The following PCDHGA6 variants were observed in gnomAD, a reference collection of about 807,000 sequenced individuals.
PCDHGA6 encodes the protein protocadherin gamma-A6.
Under a neutral mutation model 60.6 loss-of-function variants are expected in PCDHGA6, and 41 were observed. That is an observed-to-expected ratio of 0.68 (90% CI 0.53 to 0.88). The LOEUF (loss-of-function observed/expected upper bound fraction) is 0.88. Ranked by LOEUF, PCDHGA6 falls within the 40% of genes least tolerant of loss-of-function variation. PCDHGA6 has a pLI of 0.00. For missense variants in PCDHGA6, 1,312 were observed against 1,203.0 expected, an observed-to-expected ratio of 1.09 and a Z score of -1.34; for synonymous variants, 594 against 524.4, an observed-to-expected ratio of 1.13 and a Z score of -1.81.
intron 1 of PCDHGA6, among the ~76,000 whole-genome samples, chr5:141,425,605 A>G (rs1229246680): frequency 6.6e-6 from 1 of 152,230 alleles, no homozygotes; most frequent in Non-Finnish European, 1.5e-5. Context: ...TGCCCTATAT[A>G]GCTTTCAGTG....
At chr5:141,415,478 GA>G (rs1209443921) in intron 1 of PCDHGA6, 2 of 1,613,964 alleles carry the variant, frequency 1.2e-6, no homozygotes, top group Non-Finnish European at 1.7e-6. Context: ...GCGGACTCGC[GA>G]AAGAGTCACC....
intron 1 of PCDHGA6, chr5:141,394,218 G>C: frequency 6.2e-7 from 1 of 1,613,918 alleles, no homozygotes; most frequent in Non-Finnish European, 8.5e-7. Context: ...CCTGAGAGGA[G>C]CCTCCATCTT....
intron 1 of PCDHGA6, chr5:141,388,978 C>G: frequency 6.2e-7 from 1 of 1,613,972 alleles, no homozygotes; most frequent in Non-Finnish European, 8.5e-7. Flanking sequence ...ACACATATTG[C>G]TTTGCTCAAA....
intron 1 of PCDHGA6, among the ~76,000 whole-genome samples, chr5:141,470,448 T>C (rs1384666661): frequency 6.6e-6 from 1 of 152,192 alleles, no homozygotes. Flanking sequence ...TTTAATAGCA[T>C]CTTGAATAGG....
chr5:141,464,655 G>T (rs1326749316), intron 1 of PCDHGA6, among the ~76,000 whole-genome samples: 1 of 152,070 alleles, frequency 6.6e-6, no homozygotes. Flanking sequence ...TGGGTAAAAA[G>T]ATATCTCCAA....
At chr5:141,386,536 G>C (rs919634660) in intron 1 of PCDHGA6, among the ~76,000 whole-genome samples, 6 of 151,656 alleles carry the variant, frequency 4.0e-5, no homozygotes, top group Admixed American at 6.6e-5. Flanking sequence ...TTTTAGACTA[G>C]TGTTGTATTT....
At chr5:141,450,786 C>A (rs1468388706) in intron 1 of PCDHGA6, among the ~76,000 whole-genome samples, 1 of 151,020 alleles carries the variant, frequency 6.6e-6, no homozygotes, top group Admixed American at 6.6e-5. Flanking sequence ...CGTGCCCGGA[C>A]CTCATGATTG....
Position 141,486,407 on chromosome 5 carries a change from C to T in PCDHGA6, c.2425-8400C>T. The T allele has an allele frequency of 6.2e-7, 1 of 1,614,134 alleles. No individual in the cohort carries two copies. Among genetic ancestry groups the T allele is most frequent in the African/African-American group, 1.3e-5 (1 of 75,046 alleles). ...CCAGTTCTCCCTGGTGACTGCTGGA[C>T]CCTTGGATCGAGAGGCCAAATCTAG... On this transcript the variant is annotated intron_variant, in intron 1 of 3. Coordinates refer to ENST00000517434, the MANE Select transcript of PCDHGA6 (RefSeq NM_018919.3). This position sits in a 1 kb window ranked among gnomAD's most constrained non-coding sequence, Gnocchi z 5.0.
Position 141,490,198 on chromosome 5 carries a change from G to A in PCDHGA6, c.2425-4609G>A. ...GGAGTCACGTTTCTATGAAATTCAT[G>A]CAAGAGCCCGTGACCAGGGACAGCC... On this transcript the variant is annotated intron_variant, in intron 1 of 3. Coordinates refer to ENST00000517434, the MANE Select transcript of PCDHGA6 (RefSeq NM_018919.3). The surrounding 1 kb of genome is among the most constrained non-coding windows in gnomAD (Gnocchi z 5.4). The A allele has an allele frequency of 6.2e-7, 1 of 1,614,208 alleles. No homozygotes were observed. Among genetic ancestry groups the A allele is most frequent in the Non-Finnish European group, 8.5e-7 (1 of 1,180,038 alleles).
At chr5:141,445,427 C>G (rs964779092) in intron 1 of PCDHGA6, among the ~76,000 whole-genome samples, 4 of 152,152 alleles carry the variant, frequency 2.6e-5, no homozygotes, top group African/African-American at 9.7e-5. Flanking sequence ...ATATGCAAGG[C>G]ACTGACCTAT....
At chr5:141,426,013 T>C (rs2096909409) in intron 1 of PCDHGA6, among the ~76,000 whole-genome samples, 1 of 152,144 alleles carries the variant, frequency 6.6e-6, no homozygotes, top group Admixed American at 6.5e-5. Flanking sequence ...CCGGCTGCAG[T>C]TTTCTAAATA....
chr5:141,496,251 G>A (rs746722054), intron 2 of PCDHGA6, among the ~76,000 whole-genome samples: 7 of 152,150 alleles, frequency 4.6e-5, no homozygotes, highest in African/African-American at 7.2e-5. Context: ...TGAAGGGGAG[G>A]GAAACTTCAG....
rs1254438724 is a variant in PCDHGA6 at position 141,389,817 on chromosome 5, C to T, written c.2424+13310C>T. 17 of 1,613,870 alleles carry T rather than the reference C, an allele frequency of 1.1e-5. No homozygotes were observed. Among genetic ancestry groups the T allele is most frequent in the Non-Finnish European group, 1.4e-5 (16 of 1,179,892 alleles). On this transcript the variant is annotated intron_variant, in intron 1 of 3. Transcript: ENST00000517434. ...CCGCCAGCGCCTTCTGGTCGCCGTG[C>T]GTGACGGTGGACAGCCACCACTCTC...
Position 141,474,403 on chromosome 5 carries a change from C to T in PCDHGA6, c.2425-20404C>T, listed in dbSNP as rs553745731. ...ATTTCTGCATTTCTAACAAGCTCCC[C>T]GGTGATGCCTAGACCATTGGTCCTC... is the stretch of plus-strand genomic sequence containing the variant. On this transcript the variant is annotated intron_variant, in intron 1 of 3. Coordinates refer to ENST00000517434, the MANE Select transcript of PCDHGA6 (RefSeq NM_018919.3). Among the ~76,000 whole-genome samples, 121 of 152,282 alleles carry T rather than the reference C, an allele frequency of 7.9e-4. 1 individual carries two copies. Among genetic ancestry groups the T allele is most frequent in the Admixed American group, 3.9e-3 (59 of 15,292 alleles).
At position 141,489,924 on chromosome 5, in the gene PCDHGA6, C is replaced by G. The variant is rs755286650; in HGVS notation, c.2425-4883C>G. ...CAGCCCGCTCAGGGACCACCCTTAT[C>G]TCTGTCATCGTGCTGGACATCAATG... is the stretch of plus-strand genomic sequence containing the variant. On this transcript the variant is annotated intron_variant, in intron 1 of 3. Transcript: ENST00000517434. This position sits in a 1 kb window ranked among gnomAD's most constrained non-coding sequence, Gnocchi z 4.5. 22 of 1,614,226 alleles carry G rather than the reference C, an allele frequency of 1.4e-5. No homozygotes were observed. The highest frequency in any genetic ancestry group is 1.9e-5 in the Non-Finnish European group (22 of 1,180,030).
rs760070878 is a variant in PCDHGA6, at chr5:141,490,862, C to T, written c.2425-3945C>T. On this transcript the variant is annotated intron_variant, in intron 1 of 3. Coordinates refer to ENST00000517434, the MANE Select transcript of PCDHGA6 (RefSeq NM_018919.3). This position sits in a 1 kb window ranked among gnomAD's most constrained non-coding sequence, Gnocchi z 5.4. ...GTGGTGGGGGTTCGAGACTCCGGCTCTCCCCCATTGCATGCCAACACATCT... is the reference window on the plus strand; with the variant it reads ...GTGGTGGGGGTTCGAGACTCCGGCTTTCCCCCATTGCATGCCAACACATCT... 2.0e-5 allele frequency: 33 copies of T among 1,613,878 alleles called. No individual in the cohort carries two copies. Among genetic ancestry groups the T allele is most frequent in the Non-Finnish European group, 2.8e-5 (33 of 1,179,920 alleles).
At chr5:141,399,393 CAG>C (rs1335804490) in intron 1 of PCDHGA6, 1 of 1,613,976 alleles carries the variant, frequency 6.2e-7, no homozygotes, top group Non-Finnish European at 8.5e-7. Flanking sequence ...CAGCCACAGA[CAG>C]GGGCAAGCCG....
In PCDHGA6 at chr5:141,431,878, C is replaced by T. The variant is rs2097425306; in HGVS notation, c.2424+55371C>T. The T allele has an allele frequency of 1.2e-6, 2 of 1,614,054 alleles. No individual in the cohort carries two copies. The highest frequency in any genetic ancestry group is 1.7e-5 in the Admixed American group (1 of 60,010). ...TAATTGCCCTTTTAAATGTAAATGACCAAGATTCTGAGGAAAACGGACAGG... is the reference window on the plus strand; with the variant it reads ...TAATTGCCCTTTTAAATGTAAATGATCAAGATTCTGAGGAAAACGGACAGG... On this transcript the variant is annotated intron_variant, in intron 1 of 3. Transcript: ENST00000517434. The surrounding 1 kb of genome is among the most constrained non-coding windows in gnomAD (Gnocchi z 4.8).
chr5:141,410,234 CG>C, intron 1 of PCDHGA6: 1 of 1,613,984 alleles, frequency 6.2e-7, no homozygotes, highest in Non-Finnish European at 8.5e-7. Context: ...CCTCAGCGAC[CG>C]CCCTGTACTC....
Sources: gnomAD v4.1 joint callset for allele counts (sites outside exome capture counted in the v4.1 genomes callset) on GRCh38, gnomAD v4.1.1 for gene constraint, Gnocchi (gnomAD v3.1) non-coding constraint, MANE v1.5 for transcripts, NCBI Gene and HGNC (gene_info 2026-07-23, HGNC 2026-07-21) for gene names.